MKX: variants seen among roughly 807,000 people sequenced by gnomAD.
The protein encoded by MKX is mohawk homeobox.
MKX carries 13 observed loss-of-function variants against 36.0 expected under a neutral mutation model. That is an observed-to-expected ratio of 0.36 (90% CI 0.24 to 0.57). The LOEUF (loss-of-function observed/expected upper bound fraction) is 0.57, where lower values mean the gene tolerates loss of function less well. Ranked by LOEUF, MKX falls within the 20% of genes least tolerant of loss-of-function variation. The pLI, the probability that MKX is intolerant of heterozygous loss-of-function variation, is 0.79. For synonymous variants in MKX, 176 were observed against 178.3 expected (o/e 0.99, Z 0.10); for missense variants, 458 against 456.4 (o/e 1.00, Z -0.03).
intron 5 of MKX, among the ~76,000 whole-genome samples, chr10:27,682,628 C>T (rs1229495339): frequency 7.9e-5 from 12 of 152,132 alleles, no homozygotes; most frequent in Admixed American, 2.0e-4. Context: ...GATGGGGGTG[C>T]GTTTCAGGAT....
chr10:27,723,451 C>A lies in MKX; in HGVS notation c.838+11005G>T, dbSNP rs1834422626. ...GCAAGATCAGATGCAACCAGAACAA[C>A]AATAAGAAAAAAATGGAAAACAATC... On this transcript the variant is annotated intron_variant, in intron 5 of 6. Transcript: ENST00000419761. Among the ~76,000 whole-genome samples the A allele has an allele frequency of 3.9e-5, 6 of 152,034 alleles. No individual in the cohort carries two copies. In the South Asian group the frequency reaches 1.2e-3, roughly 32 times the overall value.
chr10:27,709,242 A>G lies in MKX; in HGVS notation c.838+25214T>C, dbSNP rs1359465005. On this transcript the variant is annotated intron_variant, in intron 5 of 6. Transcript: ENST00000419761. Reference sequence around the variant, plus strand: ...TAAAAAATACAGTTTATAATACAAAAAAATACAAATTAAAAATAGCAACTA... The same window carrying G: ...TAAAAAATACAGTTTATAATACAAAGAAATACAAATTAAAAATAGCAACTA... 2.0e-5 allele frequency among the ~76,000 whole-genome samples: 3 copies of G among 152,232 alleles called. No homozygotes were observed. The East Asian group carries it at 5.8e-4, about 29-fold the overall frequency.
At chr10:27,687,760 C>A (rs11015944) in intron 5 of MKX, among the ~76,000 whole-genome samples, 7,052 of 152,280 alleles carry the variant, frequency 0.046, 395 homozygotes, top group East Asian at 0.2. Flanking sequence ...CCATCTTCCC[C>A]AAGTTTAAAA....
chr10:27,701,007 C>T (rs1011596676), intron 5 of MKX, among the ~76,000 whole-genome samples: 1 of 151,960 alleles, frequency 6.6e-6, no homozygotes, highest in Non-Finnish European at 1.5e-5. Context: ...GGATGAAGCC[C>T]TTCATTTGGA....
rs11015981 is a variant in MKX at position 27,733,156 on chromosome 10, A to G, written c.838+1300T>C. Among the ~76,000 whole-genome samples, 2,358 of 152,096 alleles carry G rather than the reference A, an allele frequency of 0.016. 154 individuals are homozygous for G. The East Asian group carries it at 0.2, about 13-fold the overall frequency. ...TTTTGAGTGTTTGGAGTTTGTTTTTATTGTTGGAGTTGGTGATGCAAAGAG... is the reference window on the plus strand; with the variant it reads ...TTTTGAGTGTTTGGAGTTTGTTTTTGTTGTTGGAGTTGGTGATGCAAAGAG... On this transcript the variant is annotated intron_variant, in intron 5 of 6. Coordinates refer to ENST00000419761, the MANE Select transcript of MKX (RefSeq NM_173576.3).
At position 27,734,575 on chromosome 10, in the gene MKX, G is replaced by C. The variant is rs1043920392; in HGVS notation, c.719C>G (p.Thr240Ser). ...TCTTTGCCTTGTTTTTCCCATCATG[G>C]TAGTGTTCGTGGCCATGACATGTCT... ...SLRHVMATNT[T>S]MMGKTRQRNH... is the part of the protein sequence containing the mutation. The change falls in exon 5 of 7, where the codon ACC becomes AGC. Residue 240 changes from threonine to serine, a missense_variant. Transcript: ENST00000419761. 14 of 1,614,156 alleles carry C rather than the reference G, an allele frequency of 8.7e-6. No homozygotes were observed. The highest frequency in any genetic ancestry group is 1.1e-5 in the Non-Finnish European group (13 of 1,180,028).
chr10:27,695,171 C>G (rs931825571), intron 5 of MKX, among the ~76,000 whole-genome samples: 1 of 152,120 alleles, frequency 6.6e-6, no homozygotes, highest in Non-Finnish European at 1.5e-5. Context: ...CAGTTAATGG[C>G]CAGCAGTAGC....
At chr10:27,728,804 T>C (rs965334686) in intron 5 of MKX, among the ~76,000 whole-genome samples, 2 of 152,130 alleles carry the variant, frequency 1.3e-5, no homozygotes, top group African/African-American at 2.4e-5. Context: ...AAAAAGAACA[T>C]TTTCTCCCCT....
At chr10:27,676,666 G>A (rs549088525) in intron 5 of MKX, among the ~76,000 whole-genome samples, 52 of 152,234 alleles carry the variant, frequency 3.4e-4, no homozygotes, top group African/African-American at 7.5e-4. Context: ...GTGAGCCACC[G>A]TGCCTGGCCA....
intron 5 of MKX, among the ~76,000 whole-genome samples, chr10:27,707,160 CA>C (rs1836771103): frequency 6.6e-6 from 1 of 150,566 alleles, no homozygotes; most frequent in African/African-American, 2.4e-5. Context: ...CTTTGGAAAG[CA>C]AAAAGATGTG....
At chr10:27,701,565 T>A (rs947655830) in intron 5 of MKX, among the ~76,000 whole-genome samples, 1 of 145,402 alleles carries the variant, frequency 6.9e-6, no homozygotes, top group African/African-American at 2.5e-5. Flanking sequence ...TAAAATAATG[T>A]ATAAATGTAT....
At chr10:27,710,510 ACTC>A (rs1270473857) in intron 5 of MKX, among the ~76,000 whole-genome samples, 1 of 151,696 alleles carries the variant, frequency 6.6e-6, no homozygotes, top group East Asian at 1.9e-4. Flanking sequence ...CCCAGAAGGG[ACTC>A]CTCCTCTGGG....
intron 5 of MKX, among the ~76,000 whole-genome samples, chr10:27,710,788 GC>G (rs1836837311): frequency 6.6e-6 from 1 of 152,132 alleles, no homozygotes; most frequent in Non-Finnish European, 1.5e-5. Context: ...CCTCCAAGTA[GC>G]TGGGATTAGA....
intron 5 of MKX, among the ~76,000 whole-genome samples, chr10:27,677,416 G>C (rs1836173325): frequency 6.6e-6 from 1 of 152,182 alleles, no homozygotes; most frequent in Admixed American, 6.5e-5. Context: ...GACAGTCACA[G>C]AACTAGAAGA....
In MKX at chr10:27,741,595, C is replaced by CA; in HGVS notation, c.189-92dup. On this transcript the variant is annotated intron_variant, in intron 2 of 6. Coordinates refer to ENST00000419761, the MANE Select transcript of MKX (RefSeq NM_173576.3). The surrounding 1 kb of genome is among the most constrained non-coding windows in gnomAD (Gnocchi z 5.1). Reference sequence around the variant, plus strand: ...CCCGGCCAAGCCCGGGCCCCGCATCCAAACTGCGCATTCCTGCCTTGCGCC... The same window carrying CA: ...CCCGGCCAAGCCCGGGCCCCGCATCCAAAACTGCGCATTCCTGCCTTGCGCC... 7.1e-7 allele frequency: 1 copy of CA among 1,413,456 alleles called. No individual in the cohort carries two copies. Among genetic ancestry groups the CA allele is most frequent in the East Asian group, 2.4e-5 (1 of 41,136 alleles). The allele number at this position is 1,413,456 out of a possible 1,614,324, so 87.6% of individuals were successfully genotyped here.
rs1430455285 is a variant in MKX, at chr10:27,741,560, C to T, written c.189-56G>A. 21 of 1,510,104 alleles carry T rather than the reference C, an allele frequency of 1.4e-5. No homozygotes were observed. The highest frequency in any genetic ancestry group is 1.7e-5 in the Non-Finnish European group (19 of 1,138,154). 93.5% of individuals were successfully genotyped at this position (1,510,104 alleles called of 1,614,324 possible). ...TGAGCGACGCGTTTGCCCGCCCGGA[C>T]GCTCCACGCCCCGGCCAAGCCCGGG... On this transcript the variant is annotated intron_variant, in intron 2 of 6. Transcript: ENST00000419761. This position sits in a 1 kb window ranked among gnomAD's most constrained non-coding sequence, Gnocchi z 5.1.
At chr10:27,710,194 A>G (rs560005748) in intron 5 of MKX, among the ~76,000 whole-genome samples, 1 of 152,302 alleles carries the variant, frequency 6.6e-6, no homozygotes, top group South Asian at 2.1e-4. Context: ...AATCCTGAGG[A>G]TGCCTCAGAA....
chr10:27,691,195 T>C (rs773146075), intron 5 of MKX, among the ~76,000 whole-genome samples: 1 of 152,190 alleles, frequency 6.6e-6, no homozygotes, highest in Non-Finnish European at 1.5e-5. Flanking sequence ...TAGGATGCTC[T>C]AGAGAAGAGA....
intron 5 of MKX, 152 bp from the exon 6 acceptor site, chr10:27,675,706 T>A: frequency 1.2e-6 from 1 of 817,324 alleles, no homozygotes; most frequent in Non-Finnish European, 1.9e-6. Context: ...CAGTTTATAT[T>A]AAGATGCAAA....
Sources: gnomAD v4.1 joint callset for allele counts (sites outside exome capture counted in the v4.1 genomes callset) on GRCh38, gnomAD v4.1.1 for gene constraint, Gnocchi (gnomAD v3.1) non-coding constraint, MANE v1.5 for transcripts, NCBI Gene and HGNC (gene_info 2026-07-23, HGNC 2026-07-21) for gene names.